UBA3: variants seen among roughly 807,000 people sequenced by gnomAD.
The protein encoded by UBA3 is ubiquitin like modifier activating enzyme 3.
UBA3 carries 26 observed loss-of-function variants against 73.5 expected under a neutral mutation model. The ratio of observed to expected loss-of-function variants is 0.35; its 90% CI spans 0.26 to 0.49. The LOEUF is 0.49. UBA3 is among the 20% of genes least tolerant of loss of function. The pLI is 0.98. For synonymous variants in UBA3, 217 were observed against 191.2 expected (o/e 1.13, Z -1.11); for missense variants, 495 against 555.6 (o/e 0.89, Z 1.10).
chr3:69,062,920 T>A (rs1013843703), intron 9 of UBA3, 62 bp downstream of exon 9: 1 of 1,573,544 alleles, frequency 6.4e-7, no homozygotes, highest in African/African-American at 1.4e-5. Context: ...CTAGACTTAA[T>A]AATTAATCCC....
intron 4 of UBA3, among the ~76,000 whole-genome samples, chr3:69,072,914 T>C (rs962889554): frequency 2.6e-5 from 4 of 152,122 alleles, no homozygotes; most frequent in African/African-American, 9.7e-5. Flanking sequence ...ACACCACCAA[T>C]CCATCAGCTA....
chr3:69,058,998 G>A (rs1365240748), intron 11 of UBA3, among the ~76,000 whole-genome samples: 1 of 152,130 alleles, frequency 6.6e-6, no homozygotes, highest in South Asian at 2.1e-4. Context: ...CACTGAATTC[G>A]TTTGTTAATT....
chr3:69,080,001 C>T, intron 2 of UBA3, 111 bp downstream of exon 2: 2 of 1,027,718 alleles, frequency 1.9e-6, no homozygotes, highest in Non-Finnish European at 2.8e-6. Flanking sequence ...GGCCTGCGCT[C>T]CGGGTGTCCC....
At chr3:69,069,446 G>A (rs2092103765) in intron 5 of UBA3, among the ~76,000 whole-genome samples, 1 of 152,048 alleles carries the variant, frequency 6.6e-6, no homozygotes, top group South Asian at 2.1e-4. Flanking sequence ...TCCTGTCTCA[G>A]CCTCCAGAGT....
intron 5 of UBA3, 55 bp from the exon 6 acceptor site, chr3:69,068,063 T>C: frequency 1.8e-6 from 2 of 1,135,770 alleles, no homozygotes; most frequent in African/African-American, 1.6e-5. Context: ...ATGATCTACA[T>C]AACTTATTTT....
At chr3:69,065,227 C>G (rs924036912) in intron 6 of UBA3, among the ~76,000 whole-genome samples, 1 of 152,020 alleles carries the variant, frequency 6.6e-6, no homozygotes, top group South Asian at 2.1e-4. Flanking sequence ...GAGTGCCCCC[C>G]ACTAACCAAC....
intron 11 of UBA3, 99 bp from the exon 12 acceptor site, chr3:69,057,408 T>C (rs1158608366): frequency 1.8e-6 from 2 of 1,109,600 alleles, no homozygotes; most frequent in Non-Finnish European, 2.6e-6. Context: ...TTCTAAAACT[T>C]GATTTTTCAG....
At chr3:69,065,576 G>A (rs560082400) in intron 6 of UBA3, among the ~76,000 whole-genome samples, 1 of 152,176 alleles carries the variant, frequency 6.6e-6, no homozygotes, top group Non-Finnish European at 1.5e-5. Context: ...CCACATAGCT[G>A]GGACTACAGG....
chr3:69,063,318 G>C, intron 8 of UBA3, 121 bp downstream of exon 8: 2 of 1,251,124 alleles, frequency 1.6e-6, no homozygotes, highest in Non-Finnish European at 2.2e-6. Context: ...AAACAATGAA[G>C]TAAATATACT....
chr3:69,070,784 C>G (rs1190308899), intron 5 of UBA3, among the ~76,000 whole-genome samples: 1 of 152,086 alleles, frequency 6.6e-6, no homozygotes, highest in Admixed American at 6.6e-5. Flanking sequence ...TCCCATGCAG[C>G]AGGGACCACA....
intron 17 of UBA3, 107 bp downstream of exon 17, chr3:69,055,744 G>C (rs1310572867): frequency 9.2e-7 from 1 of 1,083,334 alleles, no homozygotes; most frequent in East Asian, 2.4e-5. Flanking sequence ...ATTATTACCT[G>C]ACCATATACA....
chr3:69,067,996 A>G lies in UBA3; in HGVS notation c.360T>C (p.Ile120=). 6.3e-7 allele frequency: 1 copy of G among 1,599,768 alleles called. No individual in the cohort carries two copies. The change falls in exon 6 of 18, where the codon ATT becomes ATC. Residue 120 remains isoleucine, a synonymous_variant. Coordinates refer to ENST00000361055, the MANE Select transcript of UBA3 (RefSeq NM_003968.4). ...NRQFLFRPKD[I]GRPKAEVAAE... ...CAGCAACTTCAGCCTTAGGTCTTCC[A>G]ATATCTTTAGGCCTACAGGAAAAAT...
intron 2 of UBA3, among the ~76,000 whole-genome samples, chr3:69,079,212 A>G (rs890525026): frequency 2.6e-5 from 4 of 152,244 alleles, no homozygotes; most frequent in Non-Finnish European, 5.9e-5. Flanking sequence ...GGATATAGAT[A>G]ATCACACAGA....
At position 69,062,285 on chromosome 3, in the gene UBA3, C is replaced by T. The variant is rs541214154; in HGVS notation, c.694-106G>A. ...AACAATTTCATACAATTTGTTTCAA[C>T]TCAAAATATTGTATACCATTAAAAA... On this transcript the variant is annotated intron_variant, in intron 9 of 17. Transcript: ENST00000361055. The T allele has an allele frequency of 1.8e-3, 1,411 of 771,388 alleles. 3 individuals carry two copies. The highest frequency in any genetic ancestry group is 2.5e-3 in the South Asian group (149 of 60,690). The allele number at this position is 771,388 out of a possible 1,614,324, so 47.8% of individuals were successfully genotyped here.
chr3:69,080,065 G>A lies in UBA3; in HGVS notation c.62+47C>T, dbSNP rs1182835828. Reference sequence around the variant, plus strand: ...TGGTCCCCTAGGCCTGGGGTGGGGGGAGGCGGGGGTCCCCGGAGAGGGCCC... The same window carrying A: ...TGGTCCCCTAGGCCTGGGGTGGGGGAAGGCGGGGGTCCCCGGAGAGGGCCC... On this transcript the variant is annotated intron_variant, in intron 2 of 17. Coordinates refer to ENST00000361055, the MANE Select transcript of UBA3 (RefSeq NM_003968.4). 2.5e-6 allele frequency: 4 copies of A among 1,582,444 alleles called. No individual in the cohort carries two copies. The South Asian group carries it at 3.4e-5, about 13-fold the overall frequency.
At chr3:69,070,145 A>G (rs1420241747) in intron 5 of UBA3, among the ~76,000 whole-genome samples, 1 of 152,248 alleles carries the variant, frequency 6.6e-6, no homozygotes, top group Non-Finnish European at 1.5e-5. Flanking sequence ...GCCTGTATCA[A>G]TAACAAATCA....
At chr3:69,066,824 T>C (rs1178614592) in intron 6 of UBA3, among the ~76,000 whole-genome samples, 1 of 152,236 alleles carries the variant, frequency 6.6e-6, no homozygotes, top group East Asian at 1.9e-4. Flanking sequence ...GATATGAAAT[T>C]GCTCCAGTAC....
chr3:69,056,915 A>C (rs1301682311), intron 12 of UBA3, 100 bp from the exon 13 acceptor site: 9 of 1,298,240 alleles, frequency 6.9e-6, no homozygotes, highest in Middle Eastern at 2.2e-4. Context: ...TTGGCTCTTC[A>C]TTAAAAAATA....
intron 2 of UBA3, 146 bp downstream of exon 2, chr3:69,079,966 C>CGG (rs1414648205): frequency 3.2e-5 from 22 of 679,972 alleles, no homozygotes; most frequent in Non-Finnish European, 5.0e-5. Context: ...GGCTGCGGGG[C>CGG]GGGGATCAGG....
Sources: gnomAD v4.1 joint callset for allele counts (sites outside exome capture counted in the v4.1 genomes callset) on GRCh38, gnomAD v4.1.1 for gene constraint, MANE v1.5 for transcripts, NCBI Gene and HGNC (gene_info 2026-07-23, HGNC 2026-07-21) for gene names.